DOT1L: variants seen among roughly 807,000 people sequenced by gnomAD.
DOT1L encodes the protein histone-lysine N-methyltransferase, H3 lysine-79 specific.
DOT1L carries 33 observed loss-of-function variants against 153.3 expected under a neutral mutation model. The ratio of observed to expected loss-of-function variants is 0.22; its 90% CI spans 0.16 to 0.29. The LOEUF (loss-of-function observed/expected upper bound fraction) is 0.29. DOT1L is among the 10% of genes least tolerant of loss of function. The pLI, the probability that DOT1L is intolerant of heterozygous loss-of-function variation, is 1.00. For synonymous variants in DOT1L, 1,135 were observed against 965.1 expected, an observed-to-expected ratio of 1.18 and a Z score of -3.26; for missense variants, 1,847 against 2,119.9, an observed-to-expected ratio of 0.87 and a Z score of 2.53.
At chr19:2,188,484 C>CG (rs2022641617) in intron 3 of DOT1L, among the ~76,000 whole-genome samples, 1 of 124,740 alleles carries the variant, frequency 8.0e-6, no homozygotes, top group African/African-American at 3.2e-5. Context: ...GCCGCCGCCC[C>CG]CCCCCCCCCC....
chr19:2,224,441 A>G (rs1301179986), intron 25 of DOT1L, among the ~76,000 whole-genome samples: 2 of 150,696 alleles, frequency 1.3e-5, no homozygotes, highest in African/African-American at 4.9e-5. Context: ...GTGAAGTGAT[A>G]TAACATGGTA....
At chr19:2,187,817 G>T (rs1177406714) in intron 3 of DOT1L, among the ~76,000 whole-genome samples, 1 of 151,910 alleles carries the variant, frequency 6.6e-6, no homozygotes, top group Admixed American at 6.6e-5. Flanking sequence ...AGTTAGTCAG[G>T]AGGCTGAGGC....
chr19:2,218,737 C>T (rs921463955), intron 22 of DOT1L, among the ~76,000 whole-genome samples: 2 of 151,984 alleles, frequency 1.3e-5, no homozygotes, highest in Middle Eastern at 6.8e-3. Context: ...CATTCTGTCC[C>T]CCAGGCTGGA....
intron 12 of DOT1L, among the ~76,000 whole-genome samples, chr19:2,209,479 G>A (rs2023629077): frequency 6.6e-6 from 1 of 152,208 alleles, no homozygotes; most frequent in African/African-American, 2.4e-5. Flanking sequence ...AGGCCTGGGG[G>A]GCCACACATG....
At chr19:2,165,547 AG>A (rs2019881015) in intron 1 of DOT1L, among the ~76,000 whole-genome samples, 1 of 152,222 alleles carries the variant, frequency 6.6e-6, no homozygotes, top group Non-Finnish European at 1.5e-5. Context: ...GAGAGGTCCT[AG>A]GACAAAAACT....
intron 27 of DOT1L, chr19:2,227,926 C>T (rs1396633208): frequency 1.7e-6 from 2 of 1,205,956 alleles, no homozygotes; most frequent in Admixed American, 3.4e-5. Flanking sequence ...CCGCCTCCGC[C>T]TCCCCCGCTG....
Position 2,220,429 on chromosome 19 carries a change from C to G in DOT1L, c.2806+207C>G. 2 of 676,378 alleles carry G rather than the reference C, an allele frequency of 3.0e-6. No homozygotes were observed. Among genetic ancestry groups the G allele is most frequent in the Non-Finnish European group, 5.4e-6 (2 of 369,458 alleles). The allele number at this position is 676,378 out of a possible 1,614,324, so 41.9% of individuals were successfully genotyped here. On this transcript the variant is annotated intron_variant, in intron 23 of 27. Coordinates refer to ENST00000398665, the MANE Select transcript of DOT1L (RefSeq NM_032482.3). The surrounding 1 kb of genome is among the most constrained non-coding windows in gnomAD (Gnocchi z 4.5). ...CGGGCTCAGCTGCAGCCATCTCGGCCTCATACCTGGGTCTCCCGACACTGA... is the reference window on the plus strand; with the variant it reads ...CGGGCTCAGCTGCAGCCATCTCGGCGTCATACCTGGGTCTCCCGACACTGA...
chr19:2,221,981 T>C lies in DOT1L; in HGVS notation c.2812T>C (p.Ser938Pro), dbSNP rs2024134029. ...RSLALAPAGF[S>P]YAGSVAISGA... The stretch of plus-strand genomic sequence containing the variant: ...CCCCATGTCCTTCCCGGCAGGCTTC[T>C]CCTACGCTGGCTCGGTGGCCATCAG... Residue 938 changes from serine to proline, a missense_variant, in exon 24 of 28, where the codon TCC becomes CCC. Ser to Pro is a moderately conservative substitution (Grantham distance 74, BLOSUM62 -1). Around this residue, in one of 8 missense-constraint regions of DOT1L, gnomAD observed 68 missense variants for 80.7 expected, o/e 0.84. Transcript: ENST00000398665. 5.6e-6 allele frequency: 9 copies of C among 1,606,458 alleles called. No individual in the cohort carries two copies. Among genetic ancestry groups the C allele is most frequent in the Non-Finnish European group, 7.7e-6 (9 of 1,176,404 alleles).
intron 7 of DOT1L, among the ~76,000 whole-genome samples, chr19:2,196,207 G>A (rs1244803956): frequency 3.3e-5 from 5 of 152,248 alleles, no homozygotes; most frequent in Non-Finnish European, 7.3e-5. Context: ...GCAGGGCCCC[G>A]ATCCCTGGTG....
At chr19:2,200,440 G>T (rs574607948) in intron 8 of DOT1L, among the ~76,000 whole-genome samples, 6 of 152,292 alleles carry the variant, frequency 3.9e-5, no homozygotes, top group African/African-American at 1.4e-4. Flanking sequence ...CACTGTCCAG[G>T]TCCGTCCCCA....
rs1469864043 is a variant in DOT1L at position 2,216,446 on chromosome 19, A to C, written c.2089A>C (p.Thr697Pro). 9.9e-6 allele frequency: 16 copies of C among 1,612,704 alleles called. No homozygotes were observed. In the East Asian group the frequency reaches 3.6e-4, roughly 36 times the overall value. ...CCGGCTGCACCTGGAGCTGGACTGC[A>C]CCAAGTTCTCGCTGCCTCACTTGAG... is the stretch of plus-strand genomic sequence containing the variant. The part of the protein sequence containing the change: ...ASRLHLELDC[T>P]KFSLPHLSSM... The change falls in exon 20 of 28, where the codon ACC becomes CCC. Residue 697 changes from threonine (T) to proline (P), a missense_variant. Around this residue, in one of 8 missense-constraint regions of DOT1L, gnomAD observed 281 missense variants for 263.6 expected, o/e 1.07. Coordinates refer to ENST00000398665, the MANE Select transcript of DOT1L (RefSeq NM_032482.3).
At chr19:2,176,319 G>C (rs1268557454) in intron 1 of DOT1L, among the ~76,000 whole-genome samples, 1 of 152,178 alleles carries the variant, frequency 6.6e-6, no homozygotes, top group Non-Finnish European at 1.5e-5. Context: ...TGCACTGCCT[G>C]GTGGGGACAC....
chr19:2,191,671 T>TC lies in DOT1L; in HGVS notation c.493+436dup, dbSNP rs2022801156. ...GCTCCCTCCACAGCGGCTGGAAAGG[T>TC]CCCCCGCGGAGGAAGACCCCAGGTC... On this transcript the variant is annotated intron_variant, in intron 5 of 27. Transcript: ENST00000398665. The surrounding 1 kb of genome is among the most constrained non-coding windows in gnomAD (Gnocchi z 6.8). 6.6e-6 allele frequency among the ~76,000 whole-genome samples: 1 copy of TC among 151,924 alleles called. No individual in the cohort carries two copies. Among genetic ancestry groups the TC allele is most frequent in the African/African-American group, 2.4e-5 (1 of 41,340 alleles).
intron 3 of DOT1L, among the ~76,000 whole-genome samples, chr19:2,186,188 C>T (rs759821337): frequency 3.3e-5 from 5 of 152,372 alleles, no homozygotes; most frequent in African/African-American, 4.8e-5. Flanking sequence ...AGTCAGCCCG[C>T]GCTAGTGATC....
rs1328966173 is a variant in DOT1L at position 2,197,609 on chromosome 19, A to G, written c.652-2275A>G. On this transcript the variant is annotated intron_variant, in intron 7 of 27. Coordinates refer to ENST00000398665, the MANE Select transcript of DOT1L (RefSeq NM_032482.3). This position sits in a 1 kb window ranked among gnomAD's most constrained non-coding sequence, Gnocchi z 4.1. ...AGCAGCATGGTGTCTAGTGTGGCACAGGTGCTCCTGGCATGGAGCTGCGTT... is the reference window on the plus strand; with the variant it reads ...AGCAGCATGGTGTCTAGTGTGGCACGGGTGCTCCTGGCATGGAGCTGCGTT... Among the ~76,000 whole-genome samples, 1 of 152,150 alleles carries G rather than the reference A, an allele frequency of 6.6e-6. No homozygotes were observed. Among genetic ancestry groups the G allele is most frequent in the Middle Eastern group, 3.2e-3 (1 of 316 alleles).
chr19:2,220,373 T>C lies in DOT1L; in HGVS notation c.2806+151T>C. 1.3e-6 allele frequency: 1 copy of C among 781,748 alleles called. No homozygotes were observed. The allele number at this position is 781,748 out of a possible 1,614,324, so 48.4% of individuals were successfully genotyped here. A position where few individuals can be genotyped will look rare whatever the true frequency, so the allele number is the denominator to read the frequency against. ...CCGCCACGCCTCATTACTGACACCC[T>C]TTCCTGCATCCCACGAGCTGGGATG... On this transcript the variant is annotated intron_variant, in intron 23 of 27. Transcript: ENST00000398665. The surrounding 1 kb of genome is among the most constrained non-coding windows in gnomAD (Gnocchi z 4.5).
intron 24 of DOT1L, chr19:2,223,008 C>T (rs1599617240): frequency 1.6e-5 from 8 of 502,462 alleles, no homozygotes; most frequent in South Asian, 5.9e-5. Context: ...GTTCGGAGTG[C>T]GATGCGCTGC....
Position 2,220,179 on chromosome 19 carries a change from T to C in DOT1L, c.2763T>C (p.Asn921=). ...SSTLEKQIGA[N]AHGAGSRSLA... is the part of the protein sequence containing the mutation. ...CACTTGAAAAGCAGATTGGTGCTAA[T>C]GCCCACGGTGCTGGGAGCAGAAGCC... The change falls in exon 23 of 28, where the codon AAT becomes AAC. Residue 921 remains asparagine (N), a synonymous_variant. Transcript: ENST00000398665. The surrounding 1 kb of genome is among the most constrained non-coding windows in gnomAD (Gnocchi z 4.5). 1 of 1,613,718 alleles carries C rather than the reference T, an allele frequency of 6.2e-7. No individual in the cohort carries two copies. The highest frequency in any genetic ancestry group is 2.2e-5 in the East Asian group (1 of 44,882).
chr19:2,202,555 C>A, intron 8 of DOT1L, 145 bp from the exon 9 acceptor site: 1 of 735,524 alleles, frequency 1.4e-6, no homozygotes, highest in Non-Finnish European at 2.3e-6. Flanking sequence ...CCACGGCGTG[C>A]GCTCAGCTGC....
Sources: allele counts gnomAD v4.1 joint callset (sites outside exome capture counted in the v4.1 genomes callset), GRCh38; gene constraint gnomAD v4.1.1; regional missense constraint gnomAD v4.1.1; non-coding constraint Gnocchi (gnomAD v3.1); transcripts MANE v1.5; gene names NCBI Gene and HGNC (gene_info 2026-07-23, HGNC 2026-07-21).